Variants in AUTS2 observed in about 807,000 individuals in gnomAD.
AUTS2 encodes activator of transcription and developmental regulator AUTS2.
In AUTS2, 17 loss-of-function variants were observed where a neutral mutation model predicts 112.4. The observed-to-expected ratio is 0.15, with a 90% CI of 0.10 to 0.23. The LOEUF is 0.23. Among genes scored for constraint, AUTS2 ranks in the 10% least tolerant of loss-of-function variants. The pLI, the probability that AUTS2 is intolerant of heterozygous loss-of-function variation, is 1.00. For missense variants in AUTS2, 1,510 were observed against 1,701.6 expected (o/e 0.89, Z 1.98); for synonymous variants, 751 against 702.7 (o/e 1.07, Z -1.09).
chr7:69,789,823 C>G (rs981223565), intron 1 of AUTS2, among the ~76,000 whole-genome samples: 23 of 152,248 alleles, frequency 1.5e-4, no homozygotes, highest in African/African-American at 5.5e-4. Flanking sequence ...TATGTATTCT[C>G]TAGTTCCCTT....
intron 5 of AUTS2, among the ~76,000 whole-genome samples, chr7:70,487,291 A>G (rs1585204208): frequency 6.6e-6 from 1 of 152,096 alleles, no homozygotes; most frequent in Non-Finnish European, 1.5e-5. Flanking sequence ...GCATAAAGGG[A>G]AAATATGGCG....
At chr7:70,435,627 C>A in intron 4 of AUTS2, 125 bp from the exon 5 acceptor site, 1 of 919,594 alleles carries the variant, frequency 1.1e-6, no homozygotes, top group Non-Finnish European at 1.7e-6. Context: ...TCCAGGAAGA[C>A]AGCATTTTTT....
chr7:70,197,458 A>G (rs1810240803), intron 4 of AUTS2, among the ~76,000 whole-genome samples: 1 of 142,566 alleles, frequency 7.0e-6, no homozygotes, highest in African/African-American at 2.6e-5. Flanking sequence ...GGAGTGCCAG[A>G]CAGTGGGCGC....
chr7:70,177,662 G>C (rs554207678), intron 4 of AUTS2, among the ~76,000 whole-genome samples: 2 of 152,202 alleles, frequency 1.3e-5, no homozygotes, highest in East Asian at 3.9e-4. Context: ...CTAAATTCAG[G>C]TTCTGGCTAG....
intron 2 of AUTS2, among the ~76,000 whole-genome samples, chr7:69,958,173 C>G (rs1385882837): frequency 6.6e-6 from 1 of 152,134 alleles, no homozygotes; most frequent in African/African-American, 2.4e-5. Context: ...GCCCACCGGC[C>G]AATCCCGACC....
At chr7:70,274,297 T>A (rs2129609456) in intron 4 of AUTS2, among the ~76,000 whole-genome samples, 1 of 152,214 alleles carries the variant, frequency 6.6e-6, no homozygotes, top group East Asian at 1.9e-4. Context: ...TAGAAACTCA[T>A]CTTTTTTTGT....
chr7:70,211,354 A>G (rs1340394515), intron 4 of AUTS2, among the ~76,000 whole-genome samples: 1 of 151,328 alleles, frequency 6.6e-6, no homozygotes, highest in South Asian at 2.1e-4. Flanking sequence ...TTTTTAAAAG[A>G]AAAAAGACTT....
intron 4 of AUTS2, among the ~76,000 whole-genome samples, chr7:70,174,324 A>T (rs1228734133): frequency 6.6e-6 from 1 of 152,264 alleles, no homozygotes; most frequent in Non-Finnish European, 1.5e-5. Flanking sequence ...GCAGAAGAAA[A>T]GCTGGAAGCT....
intron 4 of AUTS2, among the ~76,000 whole-genome samples, chr7:70,150,459 A>G (rs1421290859): frequency 1.3e-5 from 2 of 152,306 alleles, no homozygotes; most frequent in East Asian, 3.9e-4. Flanking sequence ...CAAATTGCAA[A>G]GAGCTATTCC....
chr7:70,048,288 A>G (rs1292191529), intron 2 of AUTS2, among the ~76,000 whole-genome samples: 1 of 152,034 alleles, frequency 6.6e-6, no homozygotes. Flanking sequence ...TACATCACAC[A>G]TGCTGTTTCC....
At chr7:70,239,289 G>C (rs1308445298) in intron 4 of AUTS2, among the ~76,000 whole-genome samples, 1 of 151,932 alleles carries the variant, frequency 6.6e-6, no homozygotes, top group African/African-American at 2.4e-5. Flanking sequence ...ACCTACTCTG[G>C]CCCATCATAT....
At chr7:70,671,100 G>T (rs1807614470) in intron 5 of AUTS2, among the ~76,000 whole-genome samples, 1 of 152,072 alleles carries the variant, frequency 6.6e-6, no homozygotes, top group Non-Finnish European at 1.5e-5. Context: ...TGAACCTGGT[G>T]GGGGGATGGG....
intron 1 of AUTS2, among the ~76,000 whole-genome samples, chr7:69,770,993 T>C (rs1022865157): frequency 2.6e-5 from 4 of 152,126 alleles, no homozygotes; most frequent in Admixed American, 6.5e-5. Flanking sequence ...CAAAAAGAAA[T>C]GTGACTTCAC....
intron 1 of AUTS2, among the ~76,000 whole-genome samples, chr7:69,818,879 C>T (rs1454176256): frequency 6.6e-6 from 1 of 152,192 alleles, no homozygotes; most frequent in Non-Finnish European, 1.5e-5. Context: ...ATATTTATCG[C>T]CTCATGGGCT....
intron 1 of AUTS2, among the ~76,000 whole-genome samples, chr7:69,656,071 G>A (rs953775799): frequency 6.6e-6 from 1 of 152,332 alleles, no homozygotes; most frequent in South Asian, 2.1e-4. Context: ...TCTTTTCACT[G>A]TATGTCCCCT....
intron 1 of AUTS2, among the ~76,000 whole-genome samples, chr7:69,768,156 G>T (rs1408044886): frequency 6.6e-6 from 1 of 152,204 alleles, no homozygotes; most frequent in Non-Finnish European, 1.5e-5. Context: ...CAATGGGATG[G>T]AGTGGAATTA....
At chr7:70,212,336 A>G (rs1266483394) in intron 4 of AUTS2, among the ~76,000 whole-genome samples, 1 of 152,132 alleles carries the variant, frequency 6.6e-6, no homozygotes, top group Non-Finnish European at 1.5e-5. Context: ...GTCTAAACTC[A>G]CGGCATCTGC....
chr7:70,619,776 T>C (rs945799493), intron 5 of AUTS2, among the ~76,000 whole-genome samples: 4 of 152,158 alleles, frequency 2.6e-5, no homozygotes, highest in African/African-American at 9.7e-5. Flanking sequence ...GGAATTTGCC[T>C]CTGTCAGCAT....
At chr7:69,676,581 TTAAA>T (rs1229875983) in intron 1 of AUTS2, among the ~76,000 whole-genome samples, 1 of 152,228 alleles carries the variant, frequency 6.6e-6, no homozygotes, top group Non-Finnish European at 1.5e-5. Flanking sequence ...GTATCTTGAC[TTAAA>T]TAAGTGTGAC....
Sources: allele counts gnomAD v4.1 joint callset (sites outside exome capture counted in the v4.1 genomes callset), GRCh38; gene constraint gnomAD v4.1.1; transcripts MANE v1.5; gene names NCBI Gene and HGNC (gene_info 2026-07-23, HGNC 2026-07-21).